Variants in ECM1 observed in about 807,000 individuals in gnomAD.
ECM1 encodes extracellular matrix protein 1.
In ECM1, 54 loss-of-function variants were observed where a neutral mutation model predicts 57.9. That is an observed-to-expected ratio of 0.93 (90% CI 0.75 to 1.17). The LOEUF is 1.17. Ranked by LOEUF, ECM1 falls within the 50% of genes most tolerant of loss-of-function variation. ECM1 has a pLI of 0.00. For synonymous variants in ECM1, 237 were observed against 259.1 expected, an observed-to-expected ratio of 0.91 and a Z score of 0.82; for missense variants, 649 against 688.1, an observed-to-expected ratio of 0.94 and a Z score of 0.64.
chr1:150,509,482 C>G, intron 1 of ECM1, 49 bp from the exon 2 acceptor site: 1 of 1,608,518 alleles, frequency 6.2e-7, no homozygotes, highest in Non-Finnish European at 8.5e-7. Context: ...TTGCTGAAGT[C>G]CAGGGAAGGC....
chr1:150,510,185 A>G lies in ECM1; in HGVS notation c.385+3A>G. 1 of 1,613,728 alleles carries G rather than the reference A, an allele frequency of 6.2e-7. No homozygotes were observed. Among genetic ancestry groups the G allele is most frequent in the Non-Finnish European group, 8.5e-7 (1 of 1,179,650 alleles). ...GCACCCCAATGAACAGAAGGAAGGT[A>G]AGCAGCTCCCTCTCTTCTTTACCCA... is the stretch of plus-strand genomic sequence containing the variant. On this transcript the variant is annotated splice_donor_region_variant and intron_variant, in intron 5 of 9. Coordinates refer to ENST00000369047, the MANE Select transcript of ECM1 (RefSeq NM_004425.4).
chr1:150,508,362 A>G, intron 1 of ECM1, 83 bp downstream of exon 1: 11 of 1,306,852 alleles, frequency 8.4e-6, no homozygotes, highest in Non-Finnish European at 1.2e-5. Flanking sequence ...ACGGCTCATC[A>G]CTAGCAGAGT....
Position 150,510,188 on chromosome 1 carries a change from C to T in ECM1, c.385+6C>T. On this transcript the variant is annotated splice_donor_region_variant and intron_variant, in intron 5 of 9. Coordinates refer to ENST00000369047, the MANE Select transcript of ECM1 (RefSeq NM_004425.4). ...CCCCAATGAACAGAAGGAAGGTAAG[C>T]AGCTCCCTCTCTTCTTTACCCACCT... 1 of 1,613,516 alleles carries T rather than the reference C, an allele frequency of 6.2e-7. No individual in the cohort carries two copies. The highest frequency in any genetic ancestry group is 1.3e-5 in the African/African-American group (1 of 75,050).
Position 150,513,499 on chromosome 1 carries a change from G to T in ECM1, c.*32G>T. On this transcript the variant is annotated 3_prime_UTR_variant, in exon 10 of 10. Transcript: ENST00000369047. ...CCAGAGCCCTAGAGGGTCAGATGGG[G>T]GGAACCCCACCCTGCCCCACCCATC... 6.3e-7 allele frequency: 1 copy of T among 1,596,072 alleles called. No homozygotes were observed. The highest frequency in any genetic ancestry group is 8.5e-7 in the Non-Finnish European group (1 of 1,170,022).
chr1:150,513,434 T>C lies in ECM1; in HGVS notation c.1590T>C (p.Asn530=). 1 of 1,613,712 alleles carries C rather than the reference T, an allele frequency of 6.2e-7. No homozygotes were observed. Among genetic ancestry groups the C allele is most frequent in the Non-Finnish European group, 8.5e-7 (1 of 1,180,000 alleles). Residue 530 remains asparagine (N), a synonymous_variant, in exon 10 of 10, where the codon AAT becomes AAC. Coordinates refer to ENST00000369047, the MANE Select transcript of ECM1 (RefSeq NM_004425.4). The part of the protein sequence containing the change: ...QGEQGSTGGT[N]ISSTSEPKEE ...AGCAGGGCTCAACTGGAGGAACAAATATCAGCTCCACCTCTGAGCCCAAGG... is the reference window on the plus strand; with the variant it reads ...AGCAGGGCTCAACTGGAGGAACAAACATCAGCTCCACCTCTGAGCCCAAGG...
At chr1:150,511,225 G>A (rs1670431628) in intron 6 of ECM1, 27 bp downstream of exon 6, 9 of 1,613,432 alleles carry the variant, frequency 5.6e-6, no homozygotes, top group South Asian at 1.1e-5. Context: ...GATGCCGGGG[G>A]GTGTCCTTTA....
At chr1:150,512,330 C>G (rs1342906509) in intron 7 of ECM1, 22 bp from the exon 8 acceptor site, 1 of 1,611,548 alleles carries the variant, frequency 6.2e-7, no homozygotes, top group East Asian at 2.2e-5. Context: ...CAGCTTCTGA[C>G]TTCCCTCTCT....
Position 150,509,671 on chromosome 1 carries a change from A to G in ECM1, c.132A>G (p.Ala44=). 2 of 1,613,382 alleles carry G rather than the reference A, an allele frequency of 1.2e-6. No homozygotes were observed. Among genetic ancestry groups the G allele is most frequent in the Non-Finnish European group, 1.7e-6 (2 of 1,179,678 alleles). Residue 44 remains alanine, a synonymous_variant, in exon 3 of 10, where the codon GCA becomes GCG. Transcript: ENST00000369047. ...RPEHFQEVGY[A]APPSPPLSRS... ...CCCTCTTGCTTCTAGTTGGCTACGC[A>G]GCTCCCCCCTCCCCACCCCTATCCC... is the stretch of plus-strand genomic sequence containing the variant.
chr1:150,508,395 T>C, intron 1 of ECM1, 116 bp downstream of exon 1: 1 of 1,097,048 alleles, frequency 9.1e-7, no homozygotes, highest in Non-Finnish European at 1.4e-6. Context: ...GGCTTTCCTT[T>C]TCTGAGCAGG....
chr1:150,513,289 A>C lies in ECM1; in HGVS notation c.1445A>C (p.Asp482Ala). 1 of 1,614,102 alleles carries C rather than the reference A, an allele frequency of 6.2e-7. No homozygotes were observed. The highest frequency in any genetic ancestry group is 1.1e-5 in the South Asian group (1 of 91,074). Residue 482 changes from aspartate (D) to alanine (A), a missense_variant, in exon 10 of 10, where the codon GAC (aspartate) becomes GCC (alanine). Asp to Ala is a moderately radical substitution (Grantham distance 126). Coordinates refer to ENST00000369047, the MANE Select transcript of ECM1 (RefSeq NM_004425.4). ...LCGPRRNIWR[D>A]PALCCYLSPG... Reference sequence around the variant, plus strand: ...GGTCCCCGACGTAACATCTGGCGAGACCCTGCCCTCTGCTGTTACCTGAGT... The same window carrying C: ...GGTCCCCGACGTAACATCTGGCGAGCCCCTGCCCTCTGCTGTTACCTGAGT...
intron 1 of ECM1, among the ~76,000 whole-genome samples, chr1:150,509,010 C>T (rs587672884): frequency 1.8e-4 from 27 of 152,188 alleles, no homozygotes; most frequent in African/African-American, 6.3e-4. Context: ...TAAACTAAGG[C>T]GGAGCTGAGA....
rs112603952 is a variant in ECM1, at chr1:150,513,763, C to T, written c.*296C>T. On this transcript the variant is annotated 3_prime_UTR_variant, in exon 10 of 10. Transcript: ENST00000369047. ...GCAGATGTTCACAGGCTGTGGGATG[C>T]GACCATAACTAAACAGCTTGACGTC... The T allele has an allele frequency of 2.1e-5, 7 of 329,464 alleles. No homozygotes were observed. The highest frequency in any genetic ancestry group is 1.1e-4 in the East Asian group (2 of 17,830). 20.4% of individuals were successfully genotyped at this position (329,464 alleles called of 1,614,324 possible). A position where few individuals can be genotyped will look rare whatever the true frequency, so the allele number is the denominator to read the frequency against.
chr1:150,512,748 A>C lies in ECM1; in HGVS notation c.1328A>C (p.His443Pro). Residue 443 changes from histidine to proline, a missense_variant, in exon 9 of 10, where the codon CAC becomes CCC. Coordinates refer to ENST00000369047, the MANE Select transcript of ECM1 (RefSeq NM_004425.4). ...TKHKHIPGLI[H>P]NMTARCCDLP... is the part of the protein sequence containing the mutation. ...AGTAAACATATTCCTGGGCTGATCC[A>C]CAACATGACTGCCCGCTGCTGTGAC... 1 of 1,614,114 alleles carries C rather than the reference A, an allele frequency of 6.2e-7. No homozygotes were observed. Among genetic ancestry groups the C allele is most frequent in the East Asian group, 2.2e-5 (1 of 44,880 alleles).
In ECM1 at chr1:150,510,135, T is replaced by C. The variant is rs1427188703; in HGVS notation, c.338T>C (p.Leu113Pro). ...GPPLPQEAVP[L>P]QKELPSLQHP... is the part of the protein sequence containing the mutation. ...CCTCTCCCTCAGGAAGCTGTCCCCC[T>C]CCAAAAAGAGCTGCCCTCTCTCCAG... Residue 113 changes from leucine (L) to proline (P), a missense_variant, in exon 5 of 10, where the codon CTC becomes CCC. Leu to Pro is a moderately conservative substitution (Grantham distance 98, BLOSUM62 -3). Coordinates refer to ENST00000369047, the MANE Select transcript of ECM1 (RefSeq NM_004425.4). 4.3e-6 allele frequency: 7 copies of C among 1,613,692 alleles called. No individual in the cohort carries two copies. The highest frequency in any genetic ancestry group is 5.1e-6 in the Non-Finnish European group (6 of 1,179,910).
chr1:150,511,139 T>C lies in ECM1; in HGVS notation c.649T>C (p.Tyr217His), dbSNP rs752773779. 4.1e-5 allele frequency: 66 copies of C among 1,614,086 alleles called. No individual in the cohort carries two copies. The highest frequency in any genetic ancestry group is 5.5e-5 in the Non-Finnish European group (65 of 1,180,044). ...GETLNFLEIG[Y>H]SRCCHCRSHT... The stretch of plus-strand genomic sequence containing the variant: ...GACCCTCAATTTCCTGGAGATTGGA[T>C]ATTCCCGCTGCTGCCACTGCCGCAG... Residue 217 changes from tyrosine (Y) to histidine (H), a missense_variant, in exon 6 of 10, where the codon TAT (tyrosine) becomes CAT (histidine). Transcript: ENST00000369047.
chr1:150,513,537 A>T lies in ECM1; in HGVS notation c.*70A>T. On this transcript the variant is annotated 3_prime_UTR_variant, in exon 10 of 10. Coordinates refer to ENST00000369047, the MANE Select transcript of ECM1 (RefSeq NM_004425.4). ...TGCCCCACCCATCTGAACACTCATT[A>T]CACTAAACACCTCTTGGATTTGGTG... The T allele has an allele frequency of 7.4e-7, 1 of 1,355,478 alleles. No individual in the cohort carries two copies. The highest frequency in any genetic ancestry group is 1.0e-6 in the Non-Finnish European group (1 of 979,912). 84.0% of individuals were successfully genotyped at this position (1,355,478 alleles called of 1,614,324 possible). A position where few individuals can be genotyped will look rare whatever the true frequency, so the allele number is the denominator to read the frequency against.
chr1:150,512,723 A>G lies in ECM1; in HGVS notation c.1305-2A>G, dbSNP rs779368723. 1.2e-6 allele frequency: 2 copies of G among 1,614,108 alleles called. No homozygotes were observed. Among genetic ancestry groups the G allele is most frequent in the Non-Finnish European group, 1.7e-6 (2 of 1,179,992 alleles). ...ACCCCTGCCCCTTTCACACCAACATAGTAAACATATTCCTGGGCTGATCCA... is the reference window on the plus strand; with the variant it reads ...ACCCCTGCCCCTTTCACACCAACATGGTAAACATATTCCTGGGCTGATCCA... On this transcript the variant is annotated splice_acceptor_variant, in intron 8 of 9. Transcript: ENST00000369047. LOFTEE classifies it high-confidence loss of function.
intron 6 of ECM1, 122 bp downstream of exon 6, chr1:150,511,320 C>G: frequency 1.9e-6 from 3 of 1,583,388 alleles, no homozygotes; most frequent in Non-Finnish European, 2.6e-6. Flanking sequence ...TGGCCCTACC[C>G]TGGGCCTCCC....
In ECM1 at chr1:150,513,320, G is replaced by A. The variant is rs763491329; in HGVS notation, c.1476G>A (p.Gly492=). 1 of 1,614,216 alleles carries A rather than the reference G, an allele frequency of 6.2e-7. No homozygotes were observed. The highest frequency in any genetic ancestry group is 1.1e-5 in the South Asian group (1 of 91,090). ...DPALCCYLSP[G]DEQVNCFNIN... is the part of the protein sequence containing the mutation. ...CCCTCTGCTGTTACCTGAGTCCTGG[G>A]GATGAACAGGTCAACTGCTTCAACA... is the stretch of plus-strand genomic sequence containing the variant. The change falls in exon 10 of 10, where the codon GGG becomes GGA. Residue 492 remains glycine (G), a synonymous_variant. Transcript: ENST00000369047.
Sources: gnomAD v4.1 joint callset for allele counts (sites outside exome capture counted in the v4.1 genomes callset) on GRCh38, gnomAD v4.1.1 for gene constraint, MANE v1.5 for transcripts, NCBI Gene and HGNC (gene_info 2026-07-23, HGNC 2026-07-21) for gene names.